TCAIM: variants seen among roughly 807,000 people sequenced by gnomAD.
TCAIM encodes the protein T-cell activation inhibitor, mitochondrial.
A neutral mutation model predicts 58.6 loss-of-function variants in TCAIM; 36 were observed. The ratio of observed to expected loss-of-function variants is 0.61; its 90% CI spans 0.47 to 0.81. The LOEUF (loss-of-function observed/expected upper bound fraction) is 0.81, where lower values mean the gene tolerates loss of function less well. Ranked by LOEUF, TCAIM falls within the 30% of genes least tolerant of loss-of-function variation. The pLI is 0.00. For missense variants in TCAIM, 466 were observed against 579.6 expected, an observed-to-expected ratio of 0.80 and a Z score of 2.01; for synonymous variants, 172 against 193.6, an observed-to-expected ratio of 0.89 and a Z score of 0.93.
intron 5 of TCAIM, among the ~76,000 whole-genome samples, chr3:44,370,068 G>A (rs1360081450): frequency 8.2e-6 from 1 of 122,056 alleles, no homozygotes; most frequent in Non-Finnish European, 1.8e-5. Context: ...GCATAGATAA[G>A]TTATGTTGCT....
At chr3:44,366,433 G>A (rs1264897884) in intron 4 of TCAIM, among the ~76,000 whole-genome samples, 7 of 140,208 alleles carry the variant, frequency 5.0e-5, no homozygotes, top group East Asian at 4.1e-4. Flanking sequence ...GATTACAGGC[G>A]CCCACCACTG....
At chr3:44,384,040 G>T (rs559890720) in intron 5 of TCAIM, among the ~76,000 whole-genome samples, 281 of 152,118 alleles carry the variant, frequency 1.8e-3, no homozygotes, top group African/African-American at 6.5e-3. Flanking sequence ...CTTAGTAGAG[G>T]TTAAATAGTC....
At chr3:44,400,221 TCTTA>T in intron 8 of TCAIM, 130 bp from the exon 9 acceptor site, 1 of 684,602 alleles carries the variant, frequency 1.5e-6, no homozygotes. Flanking sequence ...TTTTTTTATC[TCTTA>T]CTTGAACTTT....
chr3:44,343,797 A>G (rs922257902), intron 1 of TCAIM, among the ~76,000 whole-genome samples: 2 of 152,212 alleles, frequency 1.3e-5, no homozygotes, highest in Non-Finnish European at 2.9e-5. Context: ...TCTGGAAACC[A>G]TGATTTAATG....
At chr3:44,377,205 A>G (rs954349766) in intron 5 of TCAIM, among the ~76,000 whole-genome samples, 2 of 152,232 alleles carry the variant, frequency 1.3e-5, no homozygotes, top group Non-Finnish European at 2.9e-5. Context: ...ATTCCATGCA[A>G]TAGTAACCAA....
At chr3:44,369,528 AC>A (rs1701430919) in intron 5 of TCAIM, among the ~76,000 whole-genome samples, 1 of 152,208 alleles carries the variant, frequency 6.6e-6, no homozygotes, top group South Asian at 2.1e-4. Context: ...TGCCCCAAGG[AC>A]CTAGAACTGG....
At chr3:44,345,096 G>A (rs1700938572) in intron 1 of TCAIM, among the ~76,000 whole-genome samples, 1 of 152,056 alleles carries the variant, frequency 6.6e-6, no homozygotes, top group Non-Finnish European at 1.5e-5. Context: ...AAATTTTTGG[G>A]GGTGGTATGG....
intron 5 of TCAIM, among the ~76,000 whole-genome samples, chr3:44,388,069 AT>A (rs201520251): frequency 6.6e-6 from 1 of 151,620 alleles, no homozygotes; most frequent in Non-Finnish European, 1.5e-5. Flanking sequence ...ATTTATACAC[AT>A]TTTTTCCCTG....
chr3:44,376,511 C>T (rs1458010183), intron 5 of TCAIM, among the ~76,000 whole-genome samples: 1 of 151,946 alleles, frequency 6.6e-6, no homozygotes, highest in South Asian at 2.1e-4. Context: ...GGTGTTATAA[C>T]TTTAGGATGT....
rs566514770 is a variant in TCAIM at position 44,406,599 on chromosome 3, T to C, written c.1251-843T>C. ...TTTCTGTTTTTTACTGTCTAGTTTATGGAAATTTTATAGTACCTACTTTTC... is the reference window on the plus strand; with the variant it reads ...TTTCTGTTTTTTACTGTCTAGTTTACGGAAATTTTATAGTACCTACTTTTC... On this transcript the variant is annotated intron_variant, in intron 10 of 10. Transcript: ENST00000342649. Among the ~76,000 whole-genome samples the C allele has an allele frequency of 3.9e-5, 6 of 152,354 alleles. No homozygotes were observed. In the South Asian group the frequency reaches 1.2e-3, roughly 32 times the overall value.
intron 5 of TCAIM, among the ~76,000 whole-genome samples, chr3:44,369,211 A>C (rs1274301639): frequency 6.6e-6 from 1 of 152,210 alleles, no homozygotes; most frequent in South Asian, 2.1e-4. Context: ...TTCAAGTTTT[A>C]TGTGGGACAC....
intron 10 of TCAIM, among the ~76,000 whole-genome samples, chr3:44,405,382 A>G (rs749748445): frequency 5.5e-4 from 83 of 152,232 alleles, no homozygotes; most frequent in Non-Finnish European, 1.0e-3. Context: ...AGTAGAAACA[A>G]TGACTAAAGG....
chr3:44,372,014 G>GA (rs370916018), intron 5 of TCAIM, among the ~76,000 whole-genome samples: 17 of 17,032 alleles, frequency 1.0e-3, no homozygotes, highest in African/African-American at 3.1e-3. Flanking sequence ...AAGAGAGAAG[G>GA]AAGGAAGGAA....
intron 5 of TCAIM, among the ~76,000 whole-genome samples, chr3:44,388,020 CTA>C (rs1006727769): frequency 2.0e-5 from 3 of 151,230 alleles, no homozygotes; most frequent in Non-Finnish European, 4.4e-5. Flanking sequence ...ATCATTCTCT[CTA>C]TATATATATA....
chr3:44,343,334 C>T (rs1417656930), intron 1 of TCAIM, among the ~76,000 whole-genome samples: 3 of 152,110 alleles, frequency 2.0e-5, no homozygotes, highest in Non-Finnish European at 4.4e-5. Context: ...AAACTACCTA[C>T]TTTGACAGTC....
chr3:44,377,540 A>G (rs1169866606), intron 5 of TCAIM, among the ~76,000 whole-genome samples: 3 of 152,220 alleles, frequency 2.0e-5, no homozygotes, highest in African/African-American at 2.4e-5. Context: ...AGACATATAC[A>G]AGACACTGTA....
chr3:44,372,833 A>G (rs965062884), intron 5 of TCAIM, among the ~76,000 whole-genome samples: 1 of 152,066 alleles, frequency 6.6e-6, no homozygotes, highest in East Asian at 1.9e-4. Flanking sequence ...TGACCTCATG[A>G]TCCACCCGTC....
intron 5 of TCAIM, among the ~76,000 whole-genome samples, chr3:44,379,009 AAAT>A (rs967070898): frequency 4.6e-5 from 7 of 151,304 alleles, no homozygotes; most frequent in Non-Finnish European, 7.4e-5. Context: ...AAATACAAAA[AAAT>A]AGCCAGGCTT....
At chr3:44,360,202 C>A (rs1701273274) in intron 3 of TCAIM, among the ~76,000 whole-genome samples, 1 of 151,884 alleles carries the variant, frequency 6.6e-6, no homozygotes, top group Non-Finnish European at 1.5e-5. Context: ...TTCCATGTAC[C>A]CTATTTCCTT....
Sources: gnomAD v4.1 joint callset for allele counts (sites outside exome capture counted in the v4.1 genomes callset) on GRCh38, gnomAD v4.1.1 for gene constraint, MANE v1.5 for transcripts, NCBI Gene and HGNC (gene_info 2026-07-23, HGNC 2026-07-21) for gene names.